The following SGK3 variants were observed in gnomAD, a reference collection of about 807,000 sequenced individuals.
SGK3 encodes serum/glucocorticoid regulated kinase family member 3.
SGK3 carries 47 observed loss-of-function variants against 68.5 expected under a neutral mutation model. The ratio of observed to expected loss-of-function variants is 0.69; its 90% CI spans 0.54 to 0.87. SGK3 has a LOEUF of 0.87. Ranked by LOEUF, SGK3 falls within the 40% of genes least tolerant of loss-of-function variation. SGK3 has a pLI of 0.00. For missense variants in SGK3, 479 were observed against 575.5 expected (o/e 0.83, Z 1.72); for synonymous variants, 181 against 189.1 (o/e 0.96, Z 0.35).
Position 66,800,379 on chromosome 8 carries a change from C to CTT in SGK3, c.180+1772_180+1773dup, listed in dbSNP as rs35415180. Among the ~76,000 whole-genome samples, 554 of 102,354 alleles carry CTT rather than the reference C, an allele frequency of 5.4e-3. 1 individual carries two copies. Among genetic ancestry groups the CTT allele is most frequent in the African/African-American group, 0.019 (515 of 27,684 alleles). 67.1% of individuals were successfully genotyped at this position (102,354 alleles called of 152,430 possible). On this transcript the variant is annotated intron_variant, in intron 3 of 16. Transcript: ENST00000521198. ...TGGCGGGGGGGGAGTTTTTTCATTT[C>CTT]TTTTTTTTTTTTTTTTTTTATTATA...
At position 66,779,535 on chromosome 8, in the gene SGK3, T is replaced by C. The variant is rs138310030; in HGVS notation, c.-121-14081T>C. On this transcript the variant is annotated intron_variant, in intron 1 of 16. Coordinates refer to ENST00000521198, the MANE Select transcript of SGK3 (RefSeq NM_001033578.3). ...TCTATTGTTAGGTAGGGGGGAGATA[T>C]ATATATATGTATATGTATGTGTGTG... 9.5e-3 allele frequency among the ~76,000 whole-genome samples: 1,323 copies of C among 138,546 alleles called. 9 individuals carry two copies. The highest frequency in any genetic ancestry group is 0.016 in the Non-Finnish European group (1,040 of 64,906). The allele number at this position is 138,546 out of a possible 152,430, so 90.9% of individuals were successfully genotyped here.
chr8:66,805,989 A>G (rs879926883), intron 4 of SGK3, among the ~76,000 whole-genome samples: 3 of 152,168 alleles, frequency 2.0e-5, no homozygotes, highest in Non-Finnish European at 1.5e-5. Flanking sequence ...TCTGCCCACC[A>G]TTAACGGACT....
chr8:66,819,999 G>A (rs571069718), intron 5 of SGK3, among the ~76,000 whole-genome samples: 2 of 152,078 alleles, frequency 1.3e-5, no homozygotes, highest in Admixed American at 1.3e-4. Flanking sequence ...TGTATTTTTA[G>A]TAGAGACAAG....
intron 3 of SGK3, among the ~76,000 whole-genome samples, chr8:66,800,356 G>GC (rs1323258238): frequency 1.4e-5 from 2 of 147,756 alleles, no homozygotes; most frequent in African/African-American, 4.9e-5. Flanking sequence ...AAAAAAAGTG[G>GC]CGGGGGGGGA....
intron 16 of SGK3, 131 bp from the exon 17 acceptor site, chr8:66,859,280 C>A: frequency 1.7e-6 from 2 of 1,152,552 alleles, no homozygotes; most frequent in Non-Finnish European, 2.3e-6. Context: ...TTGCAGTGAG[C>A]CAAGATCGCG....
chr8:66,807,363 A>T (rs1808210025), intron 4 of SGK3, among the ~76,000 whole-genome samples: 1 of 152,234 alleles, frequency 6.6e-6, no homozygotes, highest in Non-Finnish European at 1.5e-5. Context: ...CATTTCATCA[A>T]GGAAAGAAAG....
In SGK3 at chr8:66,753,823, A is replaced by G. The variant is rs189208469; in HGVS notation, c.-121-39793A>G. ...AGCAAGAGCGAAACTCCCTCTCAAA[A>G]AAAAGAAAAGAAAAGAAAAGAATAT... On this transcript the variant is annotated intron_variant, in intron 1 of 16. Transcript: ENST00000521198. Among the ~76,000 whole-genome samples the G allele has an allele frequency of 3.9e-4, 60 of 152,286 alleles. No homozygotes were observed. In the East Asian group the frequency reaches 9.3e-3, roughly 24 times the overall value.
intron 8 of SGK3, among the ~76,000 whole-genome samples, chr8:66,834,648 A>G (rs1188745920): frequency 6.6e-6 from 1 of 152,228 alleles, no homozygotes; most frequent in Non-Finnish European, 1.5e-5. Context: ...CACTCCTGTA[A>G]TCTTAGAAAC....
Position 66,810,626 on chromosome 8 carries a change from G to A in SGK3, c.254-3227G>A, listed in dbSNP as rs1227532909. On this transcript the variant is annotated intron_variant, in intron 4 of 16. Coordinates refer to ENST00000521198, the MANE Select transcript of SGK3 (RefSeq NM_001033578.3). ...TGAGTCAGGAGAATCGCTTGAACCT[G>A]GGAGGTGGAGGTTGCAGTGAGCTGG... is the stretch of plus-strand genomic sequence containing the variant. Among the ~76,000 whole-genome samples, 3 of 152,170 alleles carry A rather than the reference G, an allele frequency of 2.0e-5. No individual in the cohort carries two copies. In the East Asian group the frequency reaches 5.8e-4, roughly 29 times the overall value.
intron 16 of SGK3, among the ~76,000 whole-genome samples, chr8:66,852,637 AGT>A (rs1259096016): frequency 6.6e-6 from 1 of 152,184 alleles, no homozygotes; most frequent in African/African-American, 2.4e-5. Flanking sequence ...ATTATTTAAT[AGT>A]CTATCAGGCT....
intron 1 of SGK3, among the ~76,000 whole-genome samples, chr8:66,769,911 A>C (rs1198050536): frequency 3.3e-5 from 5 of 150,722 alleles, no homozygotes; most frequent in Non-Finnish European, 7.4e-5. Flanking sequence ...CTAGTCAGCT[A>C]ATTCTAACAT....
At chr8:66,806,370 G>A (rs1265053922) in intron 4 of SGK3, among the ~76,000 whole-genome samples, 2 of 152,018 alleles carry the variant, frequency 1.3e-5, no homozygotes, top group African/African-American at 4.8e-5. Flanking sequence ...CAAATACTAG[G>A]TTTTAAAGTA....
At chr8:66,750,086 A>G (rs942005310) in intron 1 of SGK3, among the ~76,000 whole-genome samples, 3 of 151,990 alleles carry the variant, frequency 2.0e-5, no homozygotes, top group Admixed American at 6.6e-5. Flanking sequence ...TGCATCTTCT[A>G]CTATATGGAA....
Position 66,767,533 on chromosome 8 carries a change from A to G in SGK3, c.-121-26083A>G, listed in dbSNP as rs991183596. 5 of 1,512,708 alleles carry G rather than the reference A, an allele frequency of 3.3e-6. No individual in the cohort carries two copies. In the Admixed American group the frequency reaches 8.4e-5, roughly 25 times the overall value. The allele number at this position is 1,512,708 out of a possible 1,614,324, so 93.7% of individuals were successfully genotyped here. A position where few individuals can be genotyped will look rare whatever the true frequency, so the allele number is the denominator to read the frequency against. On this transcript the variant is annotated intron_variant, in intron 1 of 16. Coordinates refer to ENST00000521198, the MANE Select transcript of SGK3 (RefSeq NM_001033578.3). ...AGGTGAAGGGGGGCCCAGCTGAAACAGCTTTTCAAGCTCTCTCTCCTCATC... is the reference window on the plus strand; with the variant it reads ...AGGTGAAGGGGGGCCCAGCTGAAACGGCTTTTCAAGCTCTCTCTCCTCATC...
intron 1 of SGK3, among the ~76,000 whole-genome samples, chr8:66,772,509 C>T (rs1806544020): frequency 6.6e-6 from 1 of 151,750 alleles, no homozygotes; most frequent in African/African-American, 2.4e-5. Flanking sequence ...ATCCTCCTAC[C>T]TCAGCCTCCC....
Position 66,813,921 on chromosome 8 carries a change from T to A in SGK3, c.322T>A (p.Tyr108Asn), listed in dbSNP as rs1238505623. The change falls in exon 5 of 17, where the codon TAT becomes AAT. Residue 108 changes from tyrosine (Y) to asparagine (N), a missense_variant. Coordinates refer to ENST00000521198, the MANE Select transcript of SGK3 (RefSeq NM_001033578.3). Reference protein sequence around the residue: ...IQNLVRYPELYNHPDVRAFLQ... With the variant: ...IQNLVRYPELNNHPDVRAFLQ... Reference sequence around the variant, plus strand: ...GAACCTAGTTAGGTATCCAGAACTTTATAACCAGTAAGTAATTTTTGTTGC... The same window carrying A: ...GAACCTAGTTAGGTATCCAGAACTTAATAACCAGTAAGTAATTTTTGTTGC... The A allele has an allele frequency of 1.3e-6, 2 of 1,588,716 alleles. No homozygotes were observed. Among genetic ancestry groups the A allele is most frequent in the Admixed American group, 3.6e-5 (2 of 55,986 alleles).
chr8:66,771,243 A>T (rs1274868151), intron 1 of SGK3, among the ~76,000 whole-genome samples: 1 of 152,188 alleles, frequency 6.6e-6, no homozygotes, highest in Non-Finnish European at 1.5e-5. Flanking sequence ...TGTGATTGTT[A>T]TTTAGTCTAT....
At chr8:66,713,615 C>T (rs1339199468) in intron 1 of SGK3, among the ~76,000 whole-genome samples, 1 of 152,142 alleles carries the variant, frequency 6.6e-6, no homozygotes, top group Non-Finnish European at 1.5e-5. Flanking sequence ...TGATTCTCTC[C>T]CTTCTCACCA....
chr8:66,777,015 G>T (rs1806739957), intron 1 of SGK3, among the ~76,000 whole-genome samples: 1 of 152,158 alleles, frequency 6.6e-6, no homozygotes, highest in African/African-American at 2.4e-5. Flanking sequence ...GATTGGGTAG[G>T]AGTCAGGAAG....
Sources: gnomAD v4.1 joint callset for allele counts (sites outside exome capture counted in the v4.1 genomes callset) on GRCh38, gnomAD v4.1.1 for gene constraint, MANE v1.5 for transcripts, NCBI Gene and HGNC (gene_info 2026-07-23, HGNC 2026-07-21) for gene names.